MACROD2: variants seen among roughly 807,000 people sequenced by gnomAD.
MACROD2 encodes the protein ADP-ribose glycohydrolase MACROD2.
Under a neutral mutation model 70.4 loss-of-function variants are expected in MACROD2, and 36 were observed. The ratio of observed to expected loss-of-function variants is 0.51; its 90% CI spans 0.39 to 0.68. MACROD2 has a LOEUF of 0.68. Among genes scored for constraint, MACROD2 ranks in the 30% least tolerant of loss-of-function variants. The pLI is 0.00. For synonymous variants in MACROD2, 172 were observed against 178.8 expected, an observed-to-expected ratio of 0.96 and a Z score of 0.30; for missense variants, 496 against 538.4, an observed-to-expected ratio of 0.92 and a Z score of 0.78.
At chr20:15,881,478 C>G (rs1173046315) in intron 9 of MACROD2, among the ~76,000 whole-genome samples, 1 of 152,048 alleles carries the variant, frequency 6.6e-6, no homozygotes, top group African/African-American at 2.4e-5. Flanking sequence ...AGTAATGAGG[C>G]AAAGGTCCCA....
intron 5 of MACROD2, among the ~76,000 whole-genome samples, chr20:15,189,035 G>A (rs1338860450): frequency 6.6e-6 from 1 of 152,074 alleles, no homozygotes; most frequent in Non-Finnish European, 1.5e-5. Flanking sequence ...CCCCTTTAGG[G>A]TTCAGCATGG....
At chr20:14,520,580 C>A (rs140961453) in intron 4 of MACROD2, among the ~76,000 whole-genome samples, 182 of 151,734 alleles carry the variant, frequency 1.2e-3, no homozygotes, top group African/African-American at 4.3e-3. Context: ...AATCTACATA[C>A]TAATCCACAT....
At chr20:15,147,613 A>C (rs550367890) in intron 5 of MACROD2, among the ~76,000 whole-genome samples, 23 of 152,256 alleles carry the variant, frequency 1.5e-4, no homozygotes, top group African/African-American at 5.1e-4. Flanking sequence ...AGGCTGAAAC[A>C]ATGTCCTGGA....
intron 5 of MACROD2, among the ~76,000 whole-genome samples, chr20:14,960,813 C>A (rs2122765980): frequency 6.6e-6 from 1 of 152,122 alleles, no homozygotes; most frequent in Non-Finnish European, 1.5e-5. Context: ...TATCCACACA[C>A]TTTTTTAGTG....
chr20:15,181,500 T>G (rs2076500359), intron 5 of MACROD2, among the ~76,000 whole-genome samples: 1 of 152,236 alleles, frequency 6.6e-6, no homozygotes, highest in Non-Finnish European at 1.5e-5. Context: ...GTTGGGGTTA[T>G]ATGTCTATCC....
In MACROD2 at chr20:14,249,184, CCT is replaced by C. The variant is rs1268946379; in HGVS notation, c.271+163457_271+163458del. ...ACACAGAAACTTCTCAGTTTATTCC[CCT>C]GTGTCATCTAAAATACTATAATTTG... On this transcript the variant is annotated intron_variant, in intron 3 of 17. Transcript: ENST00000684519. 1.2e-4 allele frequency among the ~76,000 whole-genome samples: 18 copies of C among 147,082 alleles called. 1 individual carries two copies. The South Asian group carries it at 2.8e-3, about 23-fold the overall frequency.
At chr20:15,131,139 G>A (rs550764187) in intron 5 of MACROD2, among the ~76,000 whole-genome samples, 4 of 152,056 alleles carry the variant, frequency 2.6e-5, no homozygotes, top group Non-Finnish European at 5.9e-5. Flanking sequence ...TTCTAATCAT[G>A]CACATAGAGG....
chr20:14,712,940 T>A (rs1172571292), intron 5 of MACROD2, among the ~76,000 whole-genome samples: 1 of 152,196 alleles, frequency 6.6e-6, no homozygotes, highest in African/African-American at 2.4e-5. Flanking sequence ...GGTATATATT[T>A]TTTTCAACAG....
chr20:16,011,429 G>T (rs1337826285), intron 15 of MACROD2, among the ~76,000 whole-genome samples: 2 of 152,194 alleles, frequency 1.3e-5, no homozygotes, highest in East Asian at 3.9e-4. Context: ...TGGTAAAAAT[G>T]TTAGGCCCCA....
At chr20:15,123,596 A>C (rs893860294) in intron 5 of MACROD2, among the ~76,000 whole-genome samples, 1 of 54,944 alleles carries the variant, frequency 1.8e-5, no homozygotes, top group African/African-American at 8.4e-5. Context: ...AAGTATGTGA[A>C]ATTCATTGCA....
intron 5 of MACROD2, among the ~76,000 whole-genome samples, chr20:15,014,949 T>C (rs1359985357): frequency 1.3e-5 from 2 of 152,144 alleles, no homozygotes; most frequent in African/African-American, 4.8e-5. Context: ...AATAATTTTG[T>C]ATAATGTGGT....
chr20:14,570,413 G>A (rs546639638), intron 4 of MACROD2, among the ~76,000 whole-genome samples: 2 of 151,976 alleles, frequency 1.3e-5, no homozygotes, highest in Admixed American at 1.3e-4. Flanking sequence ...CTTGATCTAG[G>A]TGTTGGTTAC....
intron 4 of MACROD2, among the ~76,000 whole-genome samples, chr20:14,605,616 T>G (rs1025730493): frequency 5.9e-5 from 9 of 152,192 alleles, no homozygotes; most frequent in Non-Finnish European, 1.0e-4. Context: ...CACTATATAC[T>G]GGAGTCTCTT....
At chr20:14,625,941 A>G (rs935822122) in intron 4 of MACROD2, among the ~76,000 whole-genome samples, 16 of 151,940 alleles carry the variant, frequency 1.1e-4, no homozygotes, top group Admixed American at 2.0e-4. Context: ...TCCTGCCTCA[A>G]CCTGCTGAGT....
rs1012056628 is a variant in MACROD2 at position 14,829,716 on chromosome 20, A to C, written c.418+144757A>C. Among the ~76,000 whole-genome samples the C allele has an allele frequency of 5.9e-5, 9 of 152,128 alleles. No homozygotes were observed. In the East Asian group the frequency reaches 1.3e-3, roughly 23 times the overall value. The stretch of plus-strand genomic sequence containing the variant: ...CAAAATGACTAGTAAGGAAATGAAA[A>C]TATGTGGCCTTTGAATGCAATTTGT... On this transcript the variant is annotated intron_variant, in intron 5 of 17. Coordinates refer to ENST00000684519, the MANE Select transcript of MACROD2 (RefSeq NM_001351661.2).
In MACROD2 at chr20:15,616,205, G is replaced by T. The variant is rs993212234; in HGVS notation, c.645+116358G>T. ...TGCGCCCTCTGTCTCCTGGGTTCAAGTGATTCTCGTGCCTCAGCCTCCCTA... is the reference window on the plus strand; with the variant it reads ...TGCGCCCTCTGTCTCCTGGGTTCAATTGATTCTCGTGCCTCAGCCTCCCTA... On this transcript the variant is annotated intron_variant, in intron 8 of 17. Transcript: ENST00000684519. Among the ~76,000 whole-genome samples, 3 of 149,850 alleles carry T rather than the reference G, an allele frequency of 2.0e-5. No individual in the cohort carries two copies. In the Admixed American group the frequency reaches 2.0e-4, roughly 10 times the overall value.
intron 3 of MACROD2, among the ~76,000 whole-genome samples, chr20:14,093,712 A>G (rs1032915664): frequency 1.3e-5 from 2 of 151,918 alleles, no homozygotes; most frequent in South Asian, 2.1e-4. Context: ...CCCCAGGAAA[A>G]TGTATTGAGT....
chr20:14,963,779 CTT>C (rs1238271692), intron 5 of MACROD2, among the ~76,000 whole-genome samples: 1 of 152,128 alleles, frequency 6.6e-6, no homozygotes, highest in Non-Finnish European at 1.5e-5. Flanking sequence ...TGATCAATCT[CTT>C]TTTGTTTCTT....
At chr20:14,364,355 A>G (rs204630) in intron 3 of MACROD2, among the ~76,000 whole-genome samples, 149,745 of 152,340 alleles carry the variant, frequency 0.98, 73,602 homozygotes, top group East Asian at 1. Context: ...CAGTCATCGT[A>G]TAGGATCTTA....
Sources: gnomAD v4.1 joint callset for allele counts (sites outside exome capture counted in the v4.1 genomes callset) on GRCh38, gnomAD v4.1.1 for gene constraint, MANE v1.5 for transcripts, NCBI Gene and HGNC (gene_info 2026-07-23, HGNC 2026-07-21) for gene names.